UPK1A: variants seen among roughly 807,000 people sequenced by gnomAD.
The protein encoded by UPK1A is uroplakin-1a.
In UPK1A, 31 loss-of-function variants were observed where a neutral mutation model predicts 32.3. That is an observed-to-expected ratio of 0.96 (90% CI 0.72 to 1.30). The LOEUF (loss-of-function observed/expected upper bound fraction) is 1.30, where lower values mean the gene tolerates loss of function less well. Among genes scored for constraint, UPK1A ranks in the 50% most tolerant of loss-of-function variants. The pLI is 0.00. For synonymous variants in UPK1A, 135 were observed against 137.1 expected (o/e 0.98, Z 0.11); for missense variants, 340 against 357.4 (o/e 0.95, Z 0.39).
At chr19:35,674,241 CTTTTTTTT>C (rs35857173) in intron 5 of UPK1A, among the ~76,000 whole-genome samples, 1 of 98,982 alleles carries the variant, frequency 1.0e-5, no homozygotes, top group Non-Finnish European at 2.0e-5. Context: ...TTCTTTTTAT[CTTTTTTTT>C]TTTTTTTTTT....
intron 3 of UPK1A, 108 bp from the exon 4 acceptor site, chr19:35,673,124 C>A: frequency 9.3e-7 from 1 of 1,081,072 alleles, no homozygotes; most frequent in Non-Finnish European, 1.4e-6. Context: ...CTGCTAGTCA[C>A]ACTGCCCCAA....
chr19:35,673,403 C>T lies in UPK1A; in HGVS notation c.361-35C>T, dbSNP rs1277697909. ...GAGGTCGTCCTCTCTCCCCACCCAG[C>T]CCTGCCGGCCCTTGTTCTTCCCTGT... On this transcript the variant is annotated intron_variant, in intron 4 of 7. Transcript: ENST00000617999. The T allele has an allele frequency of 2.5e-6, 4 of 1,611,540 alleles. No homozygotes were observed. In the East Asian group the frequency reaches 6.7e-5, roughly 27 times the overall value.
chr19:35,676,331 C>T (rs1451123698), intron 6 of UPK1A: 4 of 505,674 alleles, frequency 7.9e-6, no homozygotes, highest in South Asian at 7.4e-5. Flanking sequence ...GCTGGGATTA[C>T]AGGTGCGCAC....
At chr19:35,677,783 T>G in intron 6 of UPK1A, 29 bp from the exon 7 acceptor site, 1 of 1,611,772 alleles carries the variant, frequency 6.2e-7, no homozygotes, top group Non-Finnish European at 8.5e-7. Flanking sequence ...ATGGGCGTCT[T>G]CTCAAACTTC....
intron 5 of UPK1A, among the ~76,000 whole-genome samples, chr19:35,674,239 A>AT (rs1968147521): frequency 1.1e-5 from 1 of 94,322 alleles, no homozygotes; most frequent in African/African-American, 4.1e-5. Context: ...TTTTCTTTTT[A>AT]TCTTTTTTTT....
At chr19:35,678,399 G>A (rs1409085578) in exon 8 of UPK1A, 10 of 197,958 alleles carry the variant, frequency 5.1e-5, no homozygotes, top group African/African-American at 9.3e-5. Flanking sequence ...GTTCTGTCAC[G>A]GTCACTTTAC....
Position 35,677,966 on chromosome 19 carries a change from C to G in UPK1A, c.733-9C>G. ...GCGGAGTGCCCTCATCTCGCTGCCT[C>G]CTCGCCAGCTCCCGGTCATGCTGAT... On this transcript the variant is annotated splice_polypyrimidine_tract_variant and intron_variant, in intron 7 of 7. Coordinates refer to ENST00000617999, the Ensembl canonical transcript of UPK1A. 6.3e-7 allele frequency: 1 copy of G among 1,597,564 alleles called. No individual in the cohort carries two copies. Among genetic ancestry groups the G allele is most frequent in the Non-Finnish European group, 8.5e-7 (1 of 1,172,690 alleles).
At position 35,673,306 on chromosome 19, in the gene UPK1A, C is replaced by T. The variant is rs377493902; in HGVS notation, c.360C>T (p.Tyr120=). The T allele has an allele frequency of 7.4e-5, 119 of 1,614,046 alleles. No individual in the cohort carries two copies. The South Asian group carries it at 1.3e-3, about 17-fold the overall frequency. ...TCACGTCCTACACCCACCGTGACTACGTGAGCCCGGCGAGGCCTGGGGAGG... is the reference window on the plus strand; with the variant it reads ...TCACGTCCTACACCCACCGTGACTATGTGAGCCCGGCGAGGCCTGGGGAGG... The change falls in exon 4 of 8, where the codon TAC becomes TAT. Residue 120 remains tyrosine, a splice_region_variant and synonymous_variant. Coordinates refer to ENST00000617999, the Ensembl canonical transcript of UPK1A.
At chr19:35,678,105 C>CA in exon 8 of UPK1A, 1 of 1,438,172 alleles carries the variant, frequency 7.0e-7, no homozygotes, top group Non-Finnish European at 9.3e-7. Flanking sequence ...ATGGCTGCCT[C>CA]ACCTCTCACC....
In UPK1A at chr19:35,670,721, T is replaced by C. The variant is rs866698757; in HGVS notation, c.285+2067T>C. Among the ~76,000 whole-genome samples, 3 of 120,242 alleles carry C rather than the reference T, an allele frequency of 2.5e-5. 1 individual carries two copies. The highest frequency in any genetic ancestry group is 1.7e-4 in the Admixed American group (2 of 11,682). The allele number at this position is 120,242 out of a possible 152,430, so 78.9% of individuals were successfully genotyped here. ...CCCTCCCTTCCTTCCTTCCTTCCTT[T>C]CTTTGTTTCTCTAGACAGGGTCTCA... On this transcript the variant is annotated intron_variant, in intron 3 of 7. Coordinates refer to ENST00000617999, the Ensembl canonical transcript of UPK1A.
At chr19:35,670,870 A>C (rs1302451497) in intron 3 of UPK1A, among the ~76,000 whole-genome samples, 2 of 151,458 alleles carry the variant, frequency 1.3e-5, no homozygotes, top group Non-Finnish European at 2.9e-5. Flanking sequence ...GTGCATCACC[A>C]TGTGCAGCTA....
In UPK1A at chr19:35,673,212, T is replaced by C. The variant is rs1198090633; in HGVS notation, c.286-20T>C. ...TTCACGGGCTCTGCCCGACGGGCCG[T>C]CCTCCCTCTGTCTCCCCAGTACCTG... On this transcript the variant is annotated intron_variant, in intron 3 of 7. Transcript: ENST00000617999. 3 of 1,613,392 alleles carry C rather than the reference T, an allele frequency of 1.9e-6. No individual in the cohort carries two copies. Among genetic ancestry groups the C allele is most frequent in the Non-Finnish European group, 2.5e-6 (3 of 1,179,726 alleles).
intron 5 of UPK1A, 83 bp downstream of exon 5, chr19:35,673,628 G>A: frequency 7.9e-7 from 1 of 1,259,504 alleles, no homozygotes; most frequent in East Asian, 2.4e-5. Flanking sequence ...CCAGCTTTTA[G>A]AGGAGTGAGT....
At chr19:35,676,121 C>T (rs918161442) in intron 6 of UPK1A, 102 bp downstream of exon 6, 17 of 1,313,494 alleles carry the variant, frequency 1.3e-5, no homozygotes, top group African/African-American at 3.0e-5. Flanking sequence ...TGTGTCTGTC[C>T]GTCTAGCTTT....
chr19:35,673,466 A>G, exon 5 of UPK1A: 1 of 1,613,618 alleles, frequency 6.2e-7, no homozygotes. Flanking sequence ...CTGATCACCA[A>G]GCAGATGCTG....
chr19:35,677,637 C>T (rs1968201409), intron 6 of UPK1A, among the ~76,000 whole-genome samples, 175 bp from the exon 7 acceptor site: 1 of 152,140 alleles, frequency 6.6e-6, no homozygotes, highest in African/African-American at 2.4e-5. Flanking sequence ...AACATCAGCT[C>T]CCTGGGGCCC....
At chr19:35,668,691 A>G in intron 3 of UPK1A, 37 bp downstream of exon 3, 1 of 1,572,412 alleles carries the variant, frequency 6.4e-7, no homozygotes, top group East Asian at 2.3e-5. Flanking sequence ...GGACACTGAA[A>G]ACGGAGTTCA....
intron 3 of UPK1A, among the ~76,000 whole-genome samples, chr19:35,669,949 G>C (rs1431642951): frequency 2.0e-5 from 3 of 152,172 alleles, no homozygotes; most frequent in African/African-American, 7.2e-5. Context: ...GCCCTACGCT[G>C]GGCACTGGGG....
chr19:35,676,190 TCTTTC>T (rs796485549), intron 6 of UPK1A, 171 bp downstream of exon 6: 6 of 818,518 alleles, frequency 7.3e-6, no homozygotes, highest in African/African-American at 1.8e-5. Context: ...TTTCTTTCTT[TCTTTC>T]TTTTTTTTTT....
Sources: gnomAD v4.1 joint callset for allele counts (sites outside exome capture counted in the v4.1 genomes callset) on GRCh38, gnomAD v4.1.1 for gene constraint, MANE v1.5 for transcripts, NCBI Gene and HGNC (gene_info 2026-07-23, HGNC 2026-07-21) for gene names.